NAA11: variants seen among roughly 807,000 people sequenced by gnomAD.
NAA11 encodes the protein N-alpha-acetyltransferase 11, NatA catalytic subunit.
A neutral mutation model predicts 16.1 loss-of-function variants in NAA11; 15 were observed. The observed-to-expected ratio is 0.93, with a 90% CI of 0.62 to 1.44. NAA11 has a LOEUF of 1.44. NAA11 is among the 40% of genes most tolerant of loss of function. The probability of loss-of-function intolerance (pLI) is 0.00; values close to 1 mark genes in which losing one functional copy is unlikely to be tolerated. For synonymous variants in NAA11, 122 were observed against 112.4 expected, an observed-to-expected ratio of 1.09 and a Z score of -0.54; for missense variants, 298 against 291.3, an observed-to-expected ratio of 1.02 and a Z score of -0.17.
At chr4:79,168,259 C>A in the NAA11 span, among the ~76,000 whole-genome samples, 1 of 152,118 alleles carries the variant, frequency 6.6e-6, no homozygotes, top group South Asian at 2.1e-4. Context: ...TTTTCTTTAT[C>A]CAGTCTATCA....
chr4:79,193,307 T>A, the NAA11 span, among the ~76,000 whole-genome samples: 645 of 152,342 alleles, frequency 4.2e-3, 7 homozygotes, highest in African/African-American at 0.014. Flanking sequence ...CCCATGCCTA[T>A]GTCCTGAATG....
rs1723330322 is a variant in NAA11, at chr4:79,299,638, CAAACAAAAACCCCA to C, written c.*13-5538_*13-5525del. On this transcript the variant is annotated intron_variant and NMD_transcript_variant, in intron 1 of 2. Transcript: ENST00000511542. Reference sequence around the variant, plus strand: ...GACACTTCCTCCTCTCCACCCCAAACAAACAAAAACCCCAAAATAAAAACTGTTGGATAGAGCTG... The same window carrying C: ...GACACTTCCTCCTCTCCACCCCAAACAAATAAAAACTGTTGGATAGAGCTG... 5 of 152,146 alleles carry C rather than the reference CAAACAAAAACCCCA, an allele frequency of 3.3e-5. No homozygotes were observed. In the South Asian group the frequency reaches 8.3e-4, roughly 25 times the overall value. The allele number at this position is 152,146 out of a possible 1,614,324, so 9.4% of individuals were successfully genotyped here.
At chr4:79,255,228 A>C (rs547645446) in intron 2 of NAA11, among the ~76,000 whole-genome samples, 1 of 152,258 alleles carries the variant, frequency 6.6e-6, no homozygotes, top group South Asian at 2.1e-4. Flanking sequence ...ATTGTTGATG[A>C]ATACTTGCAT....
chr4:79,297,274 G>A (rs920383778), intron 1 of NAA11, among the ~76,000 whole-genome samples: 2 of 152,206 alleles, frequency 1.3e-5, no homozygotes, highest in Admixed American at 6.5e-5. Context: ...GGGGGCTACT[G>A]TGATGGAGCC....
chr4:79,283,560 G>A (rs1036143943), intron 2 of NAA11, among the ~76,000 whole-genome samples: 2 of 152,034 alleles, frequency 1.3e-5, no homozygotes, highest in African/African-American at 4.8e-5. Flanking sequence ...AATCAGAAAA[G>A]CAAAGGCAGA....
At chr4:79,174,777 A>T in the NAA11 span, among the ~76,000 whole-genome samples, 1 of 152,148 alleles carries the variant, frequency 6.6e-6, no homozygotes, top group African/African-American at 2.4e-5. Context: ...AATGTGTATG[A>T]TAATTTACAT....
At chr4:79,214,099 C>G in the NAA11 span, among the ~76,000 whole-genome samples, 1 of 152,164 alleles carries the variant, frequency 6.6e-6, no homozygotes, top group Non-Finnish European at 1.5e-5. Context: ...GTTCCAAATG[C>G]CCCTCTATGA....
At chr4:79,238,880 A>C (rs75895714) in intron 2 of NAA11, among the ~76,000 whole-genome samples, 12,242 of 152,216 alleles carry the variant, frequency 0.08, 539 homozygotes, top group Middle Eastern at 0.13. Context: ...TGCCATAGAC[A>C]CTAATGTCAC....
At chr4:79,309,848 TG>T (rs1052084937) in intron 1 of NAA11, among the ~76,000 whole-genome samples, 1 of 151,578 alleles carries the variant, frequency 6.6e-6, no homozygotes, top group Admixed American at 6.6e-5. Flanking sequence ...CTCCAGTAGC[TG>T]GGACTACAGG....
chr4:79,321,742 T>C (rs1724094272), intron 1 of NAA11, among the ~76,000 whole-genome samples: 1 of 152,240 alleles, frequency 6.6e-6, no homozygotes, highest in African/African-American at 2.4e-5. Context: ...ATATCATTTA[T>C]ACTAAAATTT....
the NAA11 span, among the ~76,000 whole-genome samples, chr4:79,194,394 T>A: frequency 6.9e-3 from 1,052 of 152,140 alleles, 7 homozygotes; most frequent in Middle Eastern, 0.037. Flanking sequence ...AAGTACAACA[T>A]AGTGTGTTGA....
chr4:79,160,610 G>A, the NAA11 span, among the ~76,000 whole-genome samples: 1 of 152,114 alleles, frequency 6.6e-6, no homozygotes, highest in Admixed American at 6.6e-5. Context: ...AATGACTAAT[G>A]ATTTTTTAGT....
At chr4:79,292,266 A>C (rs1723104368) in intron 2 of NAA11, among the ~76,000 whole-genome samples, 1 of 152,222 alleles carries the variant, frequency 6.6e-6, no homozygotes, top group South Asian at 2.1e-4. Flanking sequence ...AATCAGTTTA[A>C]TATAGACTAG....
chr4:79,169,867 G>T, the NAA11 span, among the ~76,000 whole-genome samples: 6 of 152,166 alleles, frequency 3.9e-5, no homozygotes, highest in African/African-American at 1.4e-4. Flanking sequence ...GACACGAATT[G>T]TATGTGACAT....
intron 1 of NAA11, among the ~76,000 whole-genome samples, chr4:79,302,790 G>A (rs1723430097): frequency 6.6e-6 from 1 of 151,944 alleles, no homozygotes; most frequent in South Asian, 2.1e-4. Flanking sequence ...ACTAGTATGT[G>A]TAATCCAACC....
intron 2 of NAA11, among the ~76,000 whole-genome samples, chr4:79,228,680 A>G (rs1435417666): frequency 1.3e-5 from 2 of 151,948 alleles, no homozygotes; most frequent in South Asian, 4.1e-4. Flanking sequence ...TACCCATTGT[A>G]TGGAGGTATC....
chr4:79,291,022 A>G (rs1019876797), intron 2 of NAA11, among the ~76,000 whole-genome samples: 1 of 152,076 alleles, frequency 6.6e-6, no homozygotes, highest in Admixed American at 6.6e-5. Context: ...GCACATTCAC[A>G]TATATATATT....
chr4:79,222,796 A>G (rs1429428463), downstream of NAA11, among the ~76,000 whole-genome samples: 1 of 152,032 alleles, frequency 6.6e-6, no homozygotes, highest in Non-Finnish European at 1.5e-5. Context: ...ACAAATTTAC[A>G]AGAAAAAAAC....
chr4:79,198,065 A>G, the NAA11 span, among the ~76,000 whole-genome samples: 3 of 151,934 alleles, frequency 2.0e-5, no homozygotes, highest in Non-Finnish European at 1.5e-5. Context: ...TACTTTTTCT[A>G]TAGAATGTGA....
Sources: gnomAD v4.1 joint callset for allele counts (sites outside exome capture counted in the v4.1 genomes callset) on GRCh38, gnomAD v4.1.1 for gene constraint, MANE v1.5 for transcripts, NCBI Gene and HGNC (gene_info 2026-07-23, HGNC 2026-07-21) for gene names.